The following CTNNA2 variants were observed in gnomAD, a reference collection of about 807,000 sequenced individuals.
CTNNA2 encodes catenin alpha-2.
In CTNNA2, 42 loss-of-function variants were observed where a neutral mutation model predicts 101.0. That is an observed-to-expected ratio of 0.42 (90% CI 0.32 to 0.54). CTNNA2 has a LOEUF of 0.54. CTNNA2 is among the 20% of genes least tolerant of loss of function. The pLI is 0.14. For synonymous variants in CTNNA2, 450 were observed against 456.4 expected, an observed-to-expected ratio of 0.99 and a Z score of 0.18; for missense variants, 871 against 1,223.1, an observed-to-expected ratio of 0.71 and a Z score of 4.29.
chr2:79,783,620 C>T (rs1674618037), intron 3 of CTNNA2, among the ~76,000 whole-genome samples: 2 of 152,146 alleles, frequency 1.3e-5, no homozygotes, highest in South Asian at 4.1e-4. Flanking sequence ...TTAATTTTTA[C>T]ATAAATTTGA....
intron 2 of CTNNA2, among the ~76,000 whole-genome samples, chr2:79,735,159 C>T (rs1042913940): frequency 1.3e-5 from 2 of 152,160 alleles, no homozygotes; most frequent in Non-Finnish European, 2.9e-5. Context: ...CAGTAATCTA[C>T]ACCATACTCT....
At chr2:80,215,639 G>A (rs1200922446) in intron 7 of CTNNA2, among the ~76,000 whole-genome samples, 2 of 152,152 alleles carry the variant, frequency 1.3e-5, no homozygotes, top group Non-Finnish European at 2.9e-5. Context: ...TCTCAGAGGG[G>A]CACCTGGCTG....
chr2:79,906,015 T>A (rs1438957661), intron 6 of CTNNA2, among the ~76,000 whole-genome samples: 2 of 152,052 alleles, frequency 1.3e-5, no homozygotes, highest in African/African-American at 4.8e-5. Context: ...TTCTCGCTTG[T>A]TGGAGCCTGT....
chr2:80,646,177 C>G lies in CTNNA2; in HGVS notation c.2575-1408C>G, dbSNP rs962448027. ...ATGGAAGAACCATAAGATCTACAGTCTCTCAGTTTAAACACTTTCTTAGTC... is the reference window on the plus strand; with the variant it reads ...ATGGAAGAACCATAAGATCTACAGTGTCTCAGTTTAAACACTTTCTTAGTC... On this transcript the variant is annotated intron_variant, in intron 18 of 18. Transcript: ENST00000402739. Among the ~76,000 whole-genome samples, 4 of 152,212 alleles carry G rather than the reference C, an allele frequency of 2.6e-5. No individual in the cohort carries two copies. The South Asian group carries it at 8.3e-4, about 32-fold the overall frequency.
At chr2:79,231,288 C>T (rs1425094386) in intron 2 of CTNNA2, among the ~76,000 whole-genome samples, 3 of 152,124 alleles carry the variant, frequency 2.0e-5, no homozygotes, top group Admixed American at 6.5e-5. Context: ...GCGGGTCCTT[C>T]CTGTGCTATT....
At chr2:79,442,114 T>C (rs894696073) in intron 4 of CTNNA2, among the ~76,000 whole-genome samples, 1 of 152,208 alleles carries the variant, frequency 6.6e-6, no homozygotes, top group Non-Finnish European at 1.5e-5. Context: ...TTATTATCTA[T>C]TTCCCTGACA....
At chr2:79,978,116 A>G (rs1690998448) in intron 7 of CTNNA2, among the ~76,000 whole-genome samples, 1 of 152,150 alleles carries the variant, frequency 6.6e-6, no homozygotes. Flanking sequence ...ATTGAGATGC[A>G]TATTGTTTTT....
intron 1 of CTNNA2, among the ~76,000 whole-genome samples, chr2:79,592,278 GC>G (rs139767704): frequency 0.085 from 12,899 of 151,574 alleles, 710 homozygotes; most frequent in African/African-American, 0.15. Context: ...CCAACACCAC[GC>G]CCAGCTAATT....
At chr2:79,385,843 T>G (rs1046049679) in intron 4 of CTNNA2, among the ~76,000 whole-genome samples, 7 of 152,176 alleles carry the variant, frequency 4.6e-5, no homozygotes, top group Non-Finnish European at 8.8e-5. Flanking sequence ...TTCATCCATA[T>G]CCCTGCAAAG....
chr2:80,500,664 C>T (rs947256485), intron 9 of CTNNA2, among the ~76,000 whole-genome samples: 1 of 152,142 alleles, frequency 6.6e-6, no homozygotes, highest in Non-Finnish European at 1.5e-5. Context: ...CTTATACTTC[C>T]TTTTCCCCAC....
chr2:80,337,609 A>C (rs1188362548), intron 7 of CTNNA2, among the ~76,000 whole-genome samples: 1 of 151,948 alleles, frequency 6.6e-6, no homozygotes, highest in Non-Finnish European at 1.5e-5. Context: ...GTGAGTGCAC[A>C]CACACAAATA....
At chr2:79,826,250 A>G (rs933823240) in intron 3 of CTNNA2, among the ~76,000 whole-genome samples, 3 of 152,232 alleles carry the variant, frequency 2.0e-5, no homozygotes, top group African/African-American at 4.8e-5. Flanking sequence ...TTCTTCTTTC[A>G]TAAGTACTAT....
chr2:79,930,217 T>C (rs1687293333), intron 7 of CTNNA2, among the ~76,000 whole-genome samples: 1 of 147,572 alleles, frequency 6.8e-6, no homozygotes, highest in African/African-American at 2.5e-5. Flanking sequence ...CACTGTAGCC[T>C]GGGTGACAGA....
In CTNNA2 at chr2:80,190,427, G is replaced by A. The variant is rs573158933; in HGVS notation, c.1057-202784G>A. On this transcript the variant is annotated intron_variant, in intron 7 of 18. Transcript: ENST00000402739. ...AGCATTTTCAGTTAACACTTTCCCC[G>A]TAATGAACTCCACCTGGCAACCTTC... Among the ~76,000 whole-genome samples, 19 of 152,178 alleles carry A rather than the reference G, an allele frequency of 1.2e-4. 1 individual carries two copies. The South Asian group carries it at 2.9e-3, about 23-fold the overall frequency.
chr2:80,515,716 CAT>C (rs1435822141), intron 9 of CTNNA2, among the ~76,000 whole-genome samples: 1 of 152,136 alleles, frequency 6.6e-6, no homozygotes, highest in Non-Finnish European at 1.5e-5. Flanking sequence ...TGTAAAGAAA[CAT>C]AGAAACTGAA....
intron 2 of CTNNA2, among the ~76,000 whole-genome samples, chr2:79,689,374 T>C (rs749173124): frequency 5.9e-5 from 9 of 151,944 alleles, no homozygotes; most frequent in Non-Finnish European, 1.0e-4. Context: ...TATTTTGGAT[T>C]CTGAAATGGC....
intron 7 of CTNNA2, among the ~76,000 whole-genome samples, chr2:80,154,579 C>T (rs945000045): frequency 6.6e-6 from 1 of 152,276 alleles, no homozygotes; most frequent in Middle Eastern, 3.4e-3. Context: ...CTTTTGGCCT[C>T]ATAAAGTGTT....
At chr2:79,648,663 C>G (rs947662741) in intron 1 of CTNNA2, among the ~76,000 whole-genome samples, 1 of 152,096 alleles carries the variant, frequency 6.6e-6, no homozygotes, top group African/African-American at 2.4e-5. Flanking sequence ...TAAAATGCCC[C>G]TTAGAGGCAA....
chr2:79,751,631 A>G (rs1378396276), intron 3 of CTNNA2, among the ~76,000 whole-genome samples: 1 of 151,170 alleles, frequency 6.6e-6, no homozygotes, highest in South Asian at 2.1e-4. Flanking sequence ...AAAGAAGGAA[A>G]TATGATAAGA....
Sources: allele counts gnomAD v4.1 joint callset (sites outside exome capture counted in the v4.1 genomes callset), GRCh38; gene constraint gnomAD v4.1.1; transcripts MANE v1.5; gene names NCBI Gene and HGNC (gene_info 2026-07-23, HGNC 2026-07-21).